The following MAP2K5 variants were observed in gnomAD, a reference collection of about 807,000 sequenced individuals.
The protein encoded by MAP2K5 is dual specificity mitogen-activated protein kinase kinase 5.
Under a neutral mutation model 83.1 loss-of-function variants are expected in MAP2K5, and 49 were observed. The ratio of observed to expected loss-of-function variants is 0.59; its 90% confidence interval spans 0.47 to 0.75. The LOEUF is 0.75. Ranked by LOEUF, MAP2K5 falls within the 30% of genes least tolerant of loss-of-function variation. MAP2K5 has a pLI of 0.00. For synonymous variants in MAP2K5, 202 were observed against 191.8 expected (o/e 1.05, Z -0.44); for missense variants, 457 against 557.5 (o/e 0.82, Z 1.82).
chr15:67,703,254 C>T, intron 15 of MAP2K5, 83 bp from the exon 16 acceptor site: 1 of 981,608 alleles, frequency 1.0e-6, no homozygotes, highest in Non-Finnish European at 1.6e-6. Context: ...GGTGGCTCCT[C>T]ACCTTAGCTG....
At chr15:67,579,629 C>A (rs1482380382) in intron 3 of MAP2K5, among the ~76,000 whole-genome samples, 2 of 151,880 alleles carry the variant, frequency 1.3e-5, no homozygotes, top group Non-Finnish European at 2.9e-5. Flanking sequence ...GTGCGAACAG[C>A]CTTAGATGTA....
chr15:67,589,783 A>ATATGTG (rs1474663490), intron 6 of MAP2K5, among the ~76,000 whole-genome samples: 3 of 150,134 alleles, frequency 2.0e-5, no homozygotes, highest in African/African-American at 7.4e-5. Flanking sequence ...GTGTGTGTGT[A>ATATGTG]TGTGTGTGTG....
chr15:67,607,794 G>C lies in MAP2K5; in HGVS notation c.545+7045G>C, dbSNP rs377323421. 8.6e-5 allele frequency among the ~76,000 whole-genome samples: 13 copies of C among 151,954 alleles called. No homozygotes were observed. The East Asian group carries it at 2.1e-3, about 25-fold the overall frequency. On this transcript the variant is annotated intron_variant, in intron 8 of 21. Coordinates refer to ENST00000178640, the MANE Select transcript of MAP2K5 (RefSeq NM_145160.3). Reference sequence around the variant, plus strand: ...TTATTGCTTGGAAAAGGGTATCTTGGTTTTATTTTTTATGATAGTATAATT... The same window carrying C: ...TTATTGCTTGGAAAAGGGTATCTTGCTTTTATTTTTTATGATAGTATAATT...
chr15:67,647,745 C>T (rs1368483152), intron 11 of MAP2K5, among the ~76,000 whole-genome samples: 1 of 152,080 alleles, frequency 6.6e-6, no homozygotes, highest in Non-Finnish European at 1.5e-5. Context: ...TAGCGCATAC[C>T]TGTAGTCTCA....
Position 67,806,752 on chromosome 15 carries a change from G to T in MAP2K5, c.*2G>T. 6.4e-7 allele frequency: 1 copy of T among 1,558,448 alleles called. No individual in the cohort carries two copies. On this transcript the variant is annotated 3_prime_UTR_variant, in exon 22 of 22. Coordinates refer to ENST00000178640, the MANE Select transcript of MAP2K5 (RefSeq NM_145160.3). Reference sequence around the variant, plus strand: ...CGGAGCCAGCAGGGGCCCCCGTGAGGCTGCCGCAGGGCACTGAAAGCCCAG... The same window carrying T: ...CGGAGCCAGCAGGGGCCCCCGTGAGTCTGCCGCAGGGCACTGAAAGCCCAG...
rs548649484 is a variant in MAP2K5 at position 67,708,705 on chromosome 15, T to C, written c.1044+5297T>C. On this transcript the variant is annotated intron_variant, in intron 16 of 21. Coordinates refer to ENST00000178640, the MANE Select transcript of MAP2K5 (RefSeq NM_145160.3). This position sits in a 1 kb window ranked among gnomAD's most constrained non-coding sequence, Gnocchi z 4.9. ...CTTCTTCCTCCTGCCCATTGCCTTGTTAATATGCTGTCACAGCCCCCATGG... is the reference window on the plus strand; with the variant it reads ...CTTCTTCCTCCTGCCCATTGCCTTGCTAATATGCTGTCACAGCCCCCATGG... Among the ~76,000 whole-genome samples, 3 of 152,224 alleles carry C rather than the reference T, an allele frequency of 2.0e-5. No homozygotes were observed. The East Asian group carries it at 5.8e-4, about 29-fold the overall frequency.
chr15:67,784,173 C>T (rs1179629530), intron 21 of MAP2K5, among the ~76,000 whole-genome samples: 1 of 152,124 alleles, frequency 6.6e-6, no homozygotes, highest in Non-Finnish European at 1.5e-5. Context: ...ATTCTTATTC[C>T]CATTTTACTG....
rs1190490080 is a variant in MAP2K5, at chr15:67,782,213, T to A, written c.1242+9461T>A. Among the ~76,000 whole-genome samples, 1 of 152,226 alleles carries A rather than the reference T, an allele frequency of 6.6e-6. No homozygotes were observed. The highest frequency in any genetic ancestry group is 1.5e-5 in the Non-Finnish European group (1 of 68,042). On this transcript the variant is annotated intron_variant, in intron 21 of 21. Transcript: ENST00000178640. The surrounding 1 kb of genome is among the most constrained non-coding windows in gnomAD (Gnocchi z 4.9). Reference sequence around the variant, plus strand: ...TCCCGCCTCTGCGGTTTCAATAATTTTAAGAGCCCCCAAAACCTGTTGAGG... The same window carrying A: ...TCCCGCCTCTGCGGTTTCAATAATTATAAGAGCCCCCAAAACCTGTTGAGG...
In MAP2K5 at chr15:67,559,473, T is replaced by A. The variant is rs185004369; in HGVS notation, c.185-3810T>A. Among the ~76,000 whole-genome samples, 2 of 152,338 alleles carry A rather than the reference T, an allele frequency of 1.3e-5. No homozygotes were observed. The highest frequency in any genetic ancestry group is 3.9e-4 in the East Asian group (2 of 5,190). ...TTGGTTTTTCTTTTGGATTGCATGTTGCCTCAAATAAAATTGCTAACAACA... is the reference window on the plus strand; with the variant it reads ...TTGGTTTTTCTTTTGGATTGCATGTAGCCTCAAATAAAATTGCTAACAACA... On this transcript the variant is annotated intron_variant, in intron 2 of 21. Transcript: ENST00000178640. This position sits in a 1 kb window ranked among gnomAD's most constrained non-coding sequence, Gnocchi z 4.7.
At chr15:67,578,288 T>G (rs758191583) in intron 3 of MAP2K5, among the ~76,000 whole-genome samples, 37 of 152,180 alleles carry the variant, frequency 2.4e-4, no homozygotes, top group Non-Finnish European at 3.8e-4. Flanking sequence ...AGAGGTACCA[T>G]GCATGGCCCT....
intron 11 of MAP2K5, 105 bp from the exon 12 acceptor site, chr15:67,658,448 T>C (rs143960237): frequency 2.4e-6 from 2 of 841,358 alleles, no homozygotes; most frequent in African/African-American, 3.4e-5. Flanking sequence ...CAATGCATGC[T>C]GTAGGAAGTG....
chr15:67,735,708 C>T (rs1208301925), intron 17 of MAP2K5, among the ~76,000 whole-genome samples: 1 of 152,200 alleles, frequency 6.6e-6, no homozygotes, highest in East Asian at 1.9e-4. Context: ...TGAGCCGAGG[C>T]TCTGAGGCAA....
Position 67,690,511 on chromosome 15 carries a change from C to T in MAP2K5, c.848-1968C>T, listed in dbSNP as rs141225837. 6.8e-6 allele frequency among the ~76,000 whole-genome samples: 1 copy of T among 147,668 alleles called. No homozygotes were observed. Among genetic ancestry groups the T allele is most frequent in the East Asian group, 2.0e-4 (1 of 4,990 alleles). On this transcript the variant is annotated intron_variant, in intron 13 of 21. Coordinates refer to ENST00000178640, the MANE Select transcript of MAP2K5 (RefSeq NM_145160.3). The surrounding 1 kb of genome is among the most constrained non-coding windows in gnomAD (Gnocchi z 4.3). ...TAGACGCCAAGAGACCAGGGACTTG[C>T]TGGTAAAGGGGACATTTGTCTTAGC...
At chr15:67,710,664 C>T (rs909731876) in intron 16 of MAP2K5, among the ~76,000 whole-genome samples, 7 of 152,004 alleles carry the variant, frequency 4.6e-5, no homozygotes, top group Non-Finnish European at 4.4e-5. Context: ...CCACCACGCC[C>T]GGCTGATTTT....
Position 67,783,973 on chromosome 15 carries a change from G to T in MAP2K5, c.1242+11221G>T, listed in dbSNP as rs931819975. On this transcript the variant is annotated intron_variant, in intron 21 of 21. Transcript: ENST00000178640. This position sits in a 1 kb window ranked among gnomAD's most constrained non-coding sequence, Gnocchi z 5.1. ...TTCTCTAAACAAACTTGAAGAGATT[G>T]AAGTAACAATTGCACCTAACTTGGG... Among the ~76,000 whole-genome samples the T allele has an allele frequency of 6.6e-6, 1 of 152,190 alleles. No individual in the cohort carries two copies. Among genetic ancestry groups the T allele is most frequent in the Non-Finnish European group, 1.5e-5 (1 of 68,042 alleles).
intron 1 of MAP2K5, among the ~76,000 whole-genome samples, chr15:67,548,593 G>T (rs1407408081): frequency 6.6e-6 from 1 of 152,166 alleles, no homozygotes; most frequent in African/African-American, 2.4e-5. Context: ...GAGAGATTTT[G>T]TGCACTCAGC....
chr15:67,638,686 C>T lies in MAP2K5; in HGVS notation c.586-7545C>T, dbSNP rs2086652944. On this transcript the variant is annotated intron_variant, in intron 9 of 21. Coordinates refer to ENST00000178640, the MANE Select transcript of MAP2K5 (RefSeq NM_145160.3). This position sits in a 1 kb window ranked among gnomAD's most constrained non-coding sequence, Gnocchi z 4.5. ...ATGGTTGAACTAATTTACACTCCTT[C>T]CAACAGTATATAAGCATTCCTTTTT... Among the ~76,000 whole-genome samples the T allele has an allele frequency of 6.6e-6, 1 of 152,206 alleles. No individual in the cohort carries two copies. The highest frequency in any genetic ancestry group is 2.4e-5 in the African/African-American group (1 of 41,450).
chr15:67,665,444 T>A lies in MAP2K5; in HGVS notation c.847+799T>A, dbSNP rs1002271025. The stretch of plus-strand genomic sequence containing the variant: ...CACATCTGCTCATCTTAGCTGTATG[T>A]ACATTTGGGGAATGGAACAGCATAC... On this transcript the variant is annotated intron_variant, in intron 13 of 21. Transcript: ENST00000178640. The surrounding 1 kb of genome is among the most constrained non-coding windows in gnomAD (Gnocchi z 4.2). Among the ~76,000 whole-genome samples the A allele has an allele frequency of 2.0e-5, 3 of 152,198 alleles. No individual in the cohort carries two copies. Among genetic ancestry groups the A allele is most frequent in the Admixed American group, 2.0e-4 (3 of 15,276 alleles).
intron 16 of MAP2K5, among the ~76,000 whole-genome samples, chr15:67,712,374 G>T (rs142435531): frequency 1.4e-4 from 21 of 152,312 alleles, no homozygotes; most frequent in African/African-American, 5.1e-4. Context: ...TTTCCAGTGA[G>T]ATTTTCAGTG....
Sources: gnomAD v4.1 joint callset for allele counts (sites outside exome capture counted in the v4.1 genomes callset) on GRCh38, gnomAD v4.1.1 for gene constraint, Gnocchi (gnomAD v3.1) non-coding constraint, MANE v1.5 for transcripts, NCBI Gene and HGNC (gene_info 2026-07-23, HGNC 2026-07-21) for gene names.